TP63: variants seen among roughly 807,000 people sequenced by gnomAD.
The protein encoded by TP63 is tumor protein 63.
In TP63, 17 loss-of-function variants were observed where a neutral mutation model predicts 82.8. That is an observed-to-expected ratio of 0.21 (90% CI 0.14 to 0.31). TP63 has a LOEUF of 0.31. Ranked by LOEUF, TP63 falls within the 10% of genes least tolerant of loss-of-function variation. The pLI, the probability that TP63 is intolerant of heterozygous loss-of-function variation, is 1.00. For missense variants in TP63, 648 were observed against 895.3 expected (o/e 0.72, Z 3.52); for synonymous variants, 330 against 321.7 (o/e 1.03, Z -0.28).
intron 4 of TP63, among the ~76,000 whole-genome samples, chr3:189,823,080 T>C (rs1054123500): frequency 2.6e-5 from 4 of 152,170 alleles, no homozygotes; most frequent in African/African-American, 9.7e-5. Flanking sequence ...AAGATACAGA[T>C]TGACTGCAAT....
At chr3:189,743,292 A>T (rs1577337359) in intron 3 of TP63, among the ~76,000 whole-genome samples, 1 of 152,208 alleles carries the variant, frequency 6.6e-6, no homozygotes, top group African/African-American at 2.4e-5. Flanking sequence ...TCAGCAAAAA[A>T]TTTAATGATA....
chr3:189,844,329 G>T, intron 4 of TP63: 1 of 399,948 alleles, frequency 2.5e-6, no homozygotes, highest in South Asian at 1.7e-5. Flanking sequence ...GCGCCACCAC[G>T]CCCAGCTAAT....
At chr3:189,787,671 A>G (rs978158047) in intron 3 of TP63, among the ~76,000 whole-genome samples, 11 of 152,074 alleles carry the variant, frequency 7.2e-5, no homozygotes, top group South Asian at 2.1e-4. Flanking sequence ...GTGGATATCA[A>G]TACTTGGGAC....
chr3:189,814,375 T>G (rs551304852), intron 4 of TP63, among the ~76,000 whole-genome samples: 1 of 152,214 alleles, frequency 6.6e-6, no homozygotes, highest in Non-Finnish European at 1.5e-5. Flanking sequence ...TGGGGCTTGA[T>G]CTAATCTTAC....
At chr3:189,881,295 A>G in intron 10 of TP63, 3 of 985,294 alleles carry the variant, frequency 3.0e-6, no homozygotes, top group Non-Finnish European at 3.6e-6. Context: ...AAGTTTAGAG[A>G]ATCTCTGTTT....
intron 11 of TP63, among the ~76,000 whole-genome samples, chr3:189,887,932 C>T (rs1720633870): frequency 6.6e-6 from 1 of 150,642 alleles, no homozygotes; most frequent in Admixed American, 6.6e-5. Context: ...TCTCGGCTCA[C>T]TGTAATCTCT....
At chr3:189,815,703 A>T (rs1451785719) in intron 4 of TP63, among the ~76,000 whole-genome samples, 1 of 152,162 alleles carries the variant, frequency 6.6e-6, no homozygotes, top group Non-Finnish European at 1.5e-5. Context: ...AATGGTAACA[A>T]GGGGAGATTA....
chr3:189,779,971 A>G (rs1039759671), intron 3 of TP63, among the ~76,000 whole-genome samples: 1 of 152,222 alleles, frequency 6.6e-6, no homozygotes, highest in African/African-American at 2.4e-5. Context: ...CTAAAAGGCA[A>G]TAAGATCAGA....
chr3:189,818,607 T>C (rs1375538930), intron 4 of TP63, among the ~76,000 whole-genome samples: 1 of 152,182 alleles, frequency 6.6e-6, no homozygotes, highest in Non-Finnish European at 1.5e-5. Context: ...ACTTGTATAA[T>C]ATATTCCTGT....
At chr3:189,738,095 T>G (rs1371508468) in intron 2 of TP63, among the ~76,000 whole-genome samples, 3 of 152,212 alleles carry the variant, frequency 2.0e-5, no homozygotes, top group African/African-American at 7.2e-5. Context: ...TTGGAGGGCC[T>G]AAGGCCTCCT....
chr3:189,833,676 CTCTT>C (rs1330681690), intron 4 of TP63, among the ~76,000 whole-genome samples: 39 of 82,760 alleles, frequency 4.7e-4, no homozygotes, highest in African/African-American at 2.9e-3. Flanking sequence ...TTTTCTCTCT[CTCTT>C]TTTTTTTTTT....
chr3:189,775,097 A>G lies in TP63; in HGVS notation c.325-33175A>G, dbSNP rs368953805. ...TAGCCAGGCGTGATGGCAGGCACCT[A>G]TAGTCCCAGCTCCTTGGGAGGCTGA... On this transcript the variant is annotated intron_variant, in intron 3 of 13. Coordinates refer to ENST00000264731, the MANE Select transcript of TP63 (RefSeq NM_003722.5). Among the ~76,000 whole-genome samples, 51 of 151,990 alleles carry G rather than the reference A, an allele frequency of 3.4e-4. 1 individual carries two copies. In the South Asian group the frequency reaches 0.01, roughly 31 times the overall value.
At chr3:189,618,707 C>A in the TP63 span, among the ~76,000 whole-genome samples, 1 of 152,176 alleles carries the variant, frequency 6.6e-6, no homozygotes, top group Non-Finnish European at 1.5e-5. Flanking sequence ...TAGCAAATTC[C>A]TGATGTCCTT....
chr3:189,858,403 CAAAAAAAAAAAAA>C lies in TP63; in HGVS notation c.580-5815_580-5803del, dbSNP rs1160961471. On this transcript the variant is annotated intron_variant, in intron 4 of 13. Transcript: ENST00000264731. ...CCTGGGCGACAGCGAGACTCCGTCT[CAAAAAAAAAAAAA>C]AAAAAAAAAAAAAGAAAATGTTGTG... Among the ~76,000 whole-genome samples, 6 of 2,880 alleles carry C rather than the reference CAAAAAAAAAAAAA, an allele frequency of 2.1e-3. 3 individuals carry two copies. The highest frequency in any genetic ancestry group is 0.014 in the African/African-American group (6 of 422). 1.9% of individuals were successfully genotyped at this position (2,880 alleles called of 152,430 possible). A position where few individuals can be genotyped will look rare whatever the true frequency, so the allele number is the denominator to read the frequency against.
At chr3:189,692,543 GA>G (rs1717023443) in intron 1 of TP63, among the ~76,000 whole-genome samples, 1 of 151,810 alleles carries the variant, frequency 6.6e-6, no homozygotes, top group Non-Finnish European at 1.5e-5. Context: ...TAATCACAGT[GA>G]AAAAATATAG....
intron 4 of TP63, among the ~76,000 whole-genome samples, chr3:189,848,349 C>T (rs1310880663): frequency 6.7e-6 from 1 of 150,174 alleles, no homozygotes; most frequent in African/African-American, 2.5e-5. Context: ...ATCCTCTGCA[C>T]CTCAGCCTCC....
intron 4 of TP63, among the ~76,000 whole-genome samples, chr3:189,858,659 GC>G (rs1716623639): frequency 6.6e-6 from 1 of 152,082 alleles, no homozygotes; most frequent in Non-Finnish European, 1.5e-5. Context: ...CGCACCTGTA[GC>G]CCTAGCTACT....
chr3:189,783,353 A>G (rs1724369285), intron 3 of TP63, among the ~76,000 whole-genome samples: 3 of 152,076 alleles, frequency 2.0e-5, no homozygotes, highest in South Asian at 4.1e-4. Context: ...TGTAATATGT[A>G]TCTCTGGAAG....
At position 189,887,053 on chromosome 3, in the gene TP63, A is replaced by C. The variant is rs540293874; in HGVS notation, c.1507+502A>C. Among the ~76,000 whole-genome samples the C allele has an allele frequency of 2.0e-5, 3 of 152,120 alleles. No homozygotes were observed. The East Asian group carries it at 5.8e-4, about 30-fold the overall frequency. On this transcript the variant is annotated intron_variant, in intron 11 of 13. Coordinates refer to ENST00000264731, the MANE Select transcript of TP63 (RefSeq NM_003722.5). ...GTGAAACCCCGTCTCTATTAAAAATACAAAAGTTAGCTGAGCCTGGTGGTG... is the reference window on the plus strand; with the variant it reads ...GTGAAACCCCGTCTCTATTAAAAATCCAAAAGTTAGCTGAGCCTGGTGGTG...
Sources: allele counts gnomAD v4.1 joint callset (sites outside exome capture counted in the v4.1 genomes callset), GRCh38; gene constraint gnomAD v4.1.1; transcripts MANE v1.5; gene names NCBI Gene and HGNC (gene_info 2026-07-23, HGNC 2026-07-21).